NOC3L: variants seen among roughly 807,000 people sequenced by gnomAD.
NOC3L encodes the protein NOC3 like DNA replication regulator.
A neutral mutation model predicts 102.5 loss-of-function variants in NOC3L; 85 were observed. That is an observed-to-expected ratio of 0.83 (90% CI 0.70 to 0.99). The LOEUF is 0.99. Among genes scored for constraint, NOC3L ranks in the 50% least tolerant of loss-of-function variants. The pLI is 0.00. For missense variants in NOC3L, 878 were observed against 914.9 expected (o/e 0.96, Z 0.52); for synonymous variants, 303 against 309.4 (o/e 0.98, Z 0.22).
Position 94,355,102 on chromosome 10 carries a change from G to A in NOC3L, c.566-9C>T. On this transcript the variant is annotated splice_polypyrimidine_tract_variant and intron_variant, in intron 5 of 20. Coordinates refer to ENST00000371361, the MANE Select transcript of NOC3L (RefSeq NM_022451.11). ...AGGATCTTCAATGATCTCTAAAACA[G>A]ATTAGATGTTCCCTTACATATTCCT... 2 of 1,602,808 alleles carry A rather than the reference G, an allele frequency of 1.2e-6. No homozygotes were observed. The highest frequency in any genetic ancestry group is 1.7e-6 in the Non-Finnish European group (2 of 1,173,934).
chr10:94,352,772 A>C, intron 7 of NOC3L, 124 bp downstream of exon 7: 1 of 787,766 alleles, frequency 1.3e-6, no homozygotes, highest in Non-Finnish European at 2.0e-6. Flanking sequence ...CAGTGAGCCA[A>C]GATCACGCCA....
intron 8 of NOC3L, among the ~76,000 whole-genome samples, chr10:94,351,393 T>C (rs899080394): frequency 6.6e-6 from 1 of 152,198 alleles, no homozygotes; most frequent in Non-Finnish European, 1.5e-5. Flanking sequence ...GCAACAACTG[T>C]CTTCCCTATT....
chr10:94,330,813 T>C (rs1174864242), downstream of NOC3L: 2 of 152,234 alleles, frequency 1.3e-5, no homozygotes, highest in African/African-American at 2.4e-5. Flanking sequence ...ACAGCTATAT[T>C]ATGCCAAGTG....
At chr10:94,336,312 T>G (rs961075692) in intron 19 of NOC3L, among the ~76,000 whole-genome samples, 2 of 151,840 alleles carry the variant, frequency 1.3e-5, no homozygotes, top group African/African-American at 2.4e-5. Context: ...CACCTTGATC[T>G]TCAACTTCCC....
chr10:94,338,749 C>T lies in NOC3L; in HGVS notation c.1963-13G>A. On this transcript the variant is annotated splice_polypyrimidine_tract_variant and intron_variant, in intron 17 of 20. Coordinates refer to ENST00000371361, the MANE Select transcript of NOC3L (RefSeq NM_022451.11). ...TTTTGGGGAAAGTCTGCAAAAATGT[C>T]ACATAAAAAGAATTGGTTAAATTAA... 1 of 1,606,960 alleles carries T rather than the reference C, an allele frequency of 6.2e-7. No individual in the cohort carries two copies. Among genetic ancestry groups the T allele is most frequent in the Non-Finnish European group, 8.5e-7 (1 of 1,176,560 alleles).
the NOC3L span, among the ~76,000 whole-genome samples, chr10:94,318,452 CTA>C: frequency 6.6e-6 from 1 of 152,178 alleles, no homozygotes; most frequent in Non-Finnish European, 1.5e-5. Context: ...CCCTCAAACA[CTA>C]TGTTGAATGA....
At chr10:94,355,984 T>G (rs1319554325) in intron 5 of NOC3L, among the ~76,000 whole-genome samples, 1 of 152,172 alleles carries the variant, frequency 6.6e-6, no homozygotes, top group African/African-American at 2.4e-5. Flanking sequence ...TTTTTGCTAT[T>G]AATGAGGTCT....
intron 13 of NOC3L, among the ~76,000 whole-genome samples, chr10:94,343,348 G>A (rs1486917488): frequency 1.3e-5 from 2 of 152,154 alleles, no homozygotes; most frequent in Non-Finnish European, 2.9e-5. Flanking sequence ...TTCAAGATCA[G>A]CCTGGGCAAT....
chr10:94,349,000 A>G (rs1295560865), intron 10 of NOC3L, among the ~76,000 whole-genome samples: 2 of 152,132 alleles, frequency 1.3e-5, no homozygotes, highest in Non-Finnish European at 2.9e-5. Context: ...CAGTTTTCAA[A>G]GTATAAGCCC....
intron 14 of NOC3L, among the ~76,000 whole-genome samples, 186 bp downstream of exon 14, chr10:94,341,486 TG>T (rs1243807665): frequency 6.6e-6 from 1 of 151,210 alleles, no homozygotes; most frequent in Non-Finnish European, 1.5e-5. Flanking sequence ...AACTCTCCAA[TG>T]GTTGAAAACG....
downstream of NOC3L, chr10:94,329,810 A>AAAAAAAC (rs2054138082): frequency 6.9e-6 from 1 of 144,382 alleles, no homozygotes; most frequent in African/African-American, 2.6e-5. Flanking sequence ...AAAAAAAAAA[A>AAAAAAAC]ACACCATACA....
the NOC3L span, chr10:94,315,391 C>T: frequency 2.6e-5 from 12 of 455,854 alleles, no homozygotes; most frequent in African/African-American, 6.0e-5. Flanking sequence ...CTACTTCTCA[C>T]GGGAAGGCAA....
intron 14 of NOC3L, 137 bp downstream of exon 14, chr10:94,341,536 G>C (rs2054285365): frequency 2.3e-6 from 1 of 425,626 alleles, no homozygotes; most frequent in Non-Finnish European, 4.1e-6. Context: ...TATGATCATA[G>C]GCCTTTGTCA....
At chr10:94,332,548 T>TGTGTGTGTGTGTG (rs2054173094), downstream of NOC3L, 1 of 143,814 alleles carries the variant, frequency 7.0e-6, no homozygotes, top group African/African-American at 2.6e-5. Flanking sequence ...TGTGTGTGTG[T>TGTGTGTGTGTGTG]TTAAACATAA....
chr10:94,351,028 G>A (rs1332905577), intron 8 of NOC3L, among the ~76,000 whole-genome samples: 1 of 151,936 alleles, frequency 6.6e-6, no homozygotes, highest in Non-Finnish European at 1.5e-5. Flanking sequence ...GCTTTTTAGT[G>A]TGTCTGCATT....
chr10:94,348,020 C>A (rs557213590), intron 10 of NOC3L, among the ~76,000 whole-genome samples: 13 of 151,186 alleles, frequency 8.6e-5, no homozygotes, highest in African/African-American at 2.9e-4. Flanking sequence ...ACCACATACC[C>A]AAATATACTA....
At chr10:94,354,806 G>A (rs1005840118) in intron 6 of NOC3L, among the ~76,000 whole-genome samples, 157 bp downstream of exon 6, 2 of 152,206 alleles carry the variant, frequency 1.3e-5, no homozygotes, top group African/African-American at 4.8e-5. Context: ...ATAGCATTAA[G>A]CTAAGATTCT....
At position 94,345,439 on chromosome 10, in the gene NOC3L, A is replaced by G. The variant is rs117463459; in HGVS notation, c.1390-506T>C. Among the ~76,000 whole-genome samples, 817 of 152,310 alleles carry G rather than the reference A, an allele frequency of 5.4e-3. 4 individuals carry two copies. Among genetic ancestry groups the G allele is most frequent in the Non-Finnish European group, 9.2e-3 (625 of 67,994 alleles). On this transcript the variant is annotated intron_variant, in intron 11 of 20. Coordinates refer to ENST00000371361, the MANE Select transcript of NOC3L (RefSeq NM_022451.11). ...AAACTGGGCCCTATAAAGAAATTCA[A>G]TAAAATATCCTTTTTTTTCTACTAC...
Position 94,362,869 on chromosome 10 carries a change from A to G in NOC3L, c.-31T>C, listed in dbSNP as rs1015736686. 3 of 1,613,866 alleles carry G rather than the reference A, an allele frequency of 1.9e-6. No individual in the cohort carries two copies. Among genetic ancestry groups the G allele is most frequent in the Middle Eastern group, 1.6e-4 (1 of 6,084 alleles). On this transcript the variant is annotated 5_prime_UTR_variant, in exon 1 of 21. Transcript: ENST00000371361. ...GGCCTTAAATGAATGCCGGCCAGAC[A>G]AGTTCACCAGAAGCAGGGTTACTAC...
Sources: allele counts gnomAD v4.1 joint callset (sites outside exome capture counted in the v4.1 genomes callset), GRCh38; gene constraint gnomAD v4.1.1; transcripts MANE v1.5; gene names NCBI Gene and HGNC (gene_info 2026-07-23, HGNC 2026-07-21).